Variants in PTPRJ observed in about 807,000 individuals in gnomAD.
The protein encoded by PTPRJ is protein tyrosine phosphatase receptor type J, also known as receptor-type tyrosine-protein phosphatase eta.
PTPRJ carries 129 observed loss-of-function variants against 141.3 expected under a neutral mutation model. That is an observed-to-expected ratio of 0.91 (90% CI 0.79 to 1.06). The LOEUF (loss-of-function observed/expected upper bound fraction) is 1.06, where lower values mean the gene tolerates loss of function less well. Ranked by LOEUF, PTPRJ falls within the 50% of genes least tolerant of loss-of-function variation. PTPRJ has a pLI of 0.00. For missense variants in PTPRJ, 1,601 were observed against 1,679.7 expected, an observed-to-expected ratio of 0.95 and a Z score of 0.82; for synonymous variants, 610 against 640.5, an observed-to-expected ratio of 0.95 and a Z score of 0.72.
intron 2 of PTPRJ, among the ~76,000 whole-genome samples, chr11:48,111,763 C>T (rs538694791): frequency 5.3e-5 from 8 of 151,824 alleles, no homozygotes; most frequent in African/African-American, 1.2e-4. Flanking sequence ...TTGGAAGGGC[C>T]GCTGTATTAG....
intron 3 of PTPRJ, among the ~76,000 whole-genome samples, chr11:48,118,503 G>A (rs1856624555): frequency 6.6e-6 from 1 of 152,114 alleles, no homozygotes; most frequent in Non-Finnish European, 1.5e-5. Context: ...ACGAAAACCA[G>A]ACAAGGATAC....
At chr11:48,155,692 C>T in intron 19 of PTPRJ, 109 bp from the exon 20 acceptor site, 1 of 862,130 alleles carries the variant, frequency 1.2e-6, no homozygotes, top group South Asian at 1.8e-5. Context: ...TCTTCAAAGA[C>T]ACAAGTCCCA....
chr11:48,017,002 C>T (rs1854968634), intron 1 of PTPRJ, among the ~76,000 whole-genome samples: 3 of 152,024 alleles, frequency 2.0e-5, no homozygotes, highest in Admixed American at 2.0e-4. Flanking sequence ...TCAAGCAATC[C>T]TCCCACCTCG....
At chr11:48,007,930 A>G (rs1854669570) in intron 1 of PTPRJ, among the ~76,000 whole-genome samples, 1 of 152,226 alleles carries the variant, frequency 6.6e-6, no homozygotes, top group Non-Finnish European at 1.5e-5. Flanking sequence ...CACACAGCTA[A>G]TATCACTGTG....
intron 7 of PTPRJ, among the ~76,000 whole-genome samples, chr11:48,129,690 G>A (rs1856924497): frequency 6.6e-6 from 1 of 152,190 alleles, no homozygotes; most frequent in Admixed American, 6.5e-5. Flanking sequence ...AGACAGCAGA[G>A]GGAGGAATCA....
At chr11:48,113,316 A>G (rs1367995873) in intron 3 of PTPRJ, among the ~76,000 whole-genome samples, 1 of 152,212 alleles carries the variant, frequency 6.6e-6, no homozygotes, top group Non-Finnish European at 1.5e-5. Context: ...GCTTCTCACC[A>G]ATATATTACA....
chr11:48,036,915 T>C (rs1479672155), intron 1 of PTPRJ, among the ~76,000 whole-genome samples: 1 of 152,232 alleles, frequency 6.6e-6, no homozygotes, highest in Non-Finnish European at 1.5e-5. Context: ...TTTTTCTTTT[T>C]TTAACTTGGC....
intron 1 of PTPRJ, among the ~76,000 whole-genome samples, chr11:48,085,255 C>T (rs1342155880): frequency 1.1e-5 from 1 of 89,016 alleles, no homozygotes; most frequent in Non-Finnish European, 2.8e-5. Context: ...TGCTATCTCT[C>T]TCACTTTTTT....
chr11:48,130,116 G>C (rs1856935268), intron 7 of PTPRJ, among the ~76,000 whole-genome samples: 1 of 150,810 alleles, frequency 6.6e-6, no homozygotes, highest in South Asian at 2.1e-4. Context: ...CAGAGGCTCT[G>C]GGAGGCTAGT....
rs191245363 is a variant in PTPRJ at position 48,116,500 on chromosome 11, C to T, written c.352+3517C>T. Among the ~76,000 whole-genome samples, 84 of 152,324 alleles carry T rather than the reference C, an allele frequency of 5.5e-4. 1 individual carries two copies. Among genetic ancestry groups the T allele is most frequent in the Non-Finnish European group, 1.3e-4 (9 of 68,026 alleles). On this transcript the variant is annotated intron_variant, in intron 3 of 24. Transcript: ENST00000418331. ...TAGAGGACTTCCACCACCTTACTTCCAGCAATGGACAATGATCCAGACAGG... is the reference window on the plus strand; with the variant it reads ...TAGAGGACTTCCACCACCTTACTTCTAGCAATGGACAATGATCCAGACAGG...
At chr11:48,160,676 A>C (rs1451455406) in intron 22 of PTPRJ, among the ~76,000 whole-genome samples, 2 of 152,190 alleles carry the variant, frequency 1.3e-5, no homozygotes, top group Non-Finnish European at 2.9e-5. Flanking sequence ...AGGCCTAAAC[A>C]TTAGGCATGT....
In PTPRJ at chr11:47,980,742, G is replaced by A. The variant is rs1428385667; in HGVS notation, c.-171G>A. 3.0e-6 allele frequency: 3 copies of A among 1,011,874 alleles called. No homozygotes were observed. The highest frequency in any genetic ancestry group is 3.5e-6 in the Non-Finnish European group (3 of 849,318). The allele number at this position is 1,011,874 out of a possible 1,614,324, so 62.7% of individuals were successfully genotyped here. On this transcript the variant is annotated 5_prime_UTR_variant, in exon 1 of 25. Coordinates refer to ENST00000418331, the MANE Select transcript of PTPRJ (RefSeq NM_002843.4). ...GCGTGTGGCCGCGGCCGCCGCCGCC[G>A]CTGCCATGTCTCCGGGGAAGCCCGG...
chr11:48,073,868 ATTATAT>A (rs1855329671), intron 1 of PTPRJ, among the ~76,000 whole-genome samples: 1 of 152,200 alleles, frequency 6.6e-6, no homozygotes, highest in Admixed American at 6.5e-5. Flanking sequence ...TCTTTAGAGT[ATTATAT>A]TTAAGACAGC....
rs533969428 is a variant in PTPRJ at position 48,097,807 on chromosome 11, G to C, written c.97-12251G>C. On this transcript the variant is annotated intron_variant, in intron 1 of 24. Coordinates refer to ENST00000418331, the MANE Select transcript of PTPRJ (RefSeq NM_002843.4). ...CCAGCCTCAGCCCCCCAAAGTGCTA[G>C]GATTACAGGCATGAGCCACCGCACC... 3.3e-5 allele frequency among the ~76,000 whole-genome samples: 5 copies of C among 152,180 alleles called. No individual in the cohort carries two copies. In the South Asian group the frequency reaches 1.0e-3, roughly 32 times the overall value.
intron 3 of PTPRJ, among the ~76,000 whole-genome samples, chr11:48,119,262 CTG>C (rs1024421022): frequency 6.6e-6 from 1 of 152,176 alleles, no homozygotes; most frequent in African/African-American, 2.4e-5. Flanking sequence ...CACTCTGACT[CTG>C]TGAACTTGTC....
rs369959790 is a variant in PTPRJ, at chr11:48,026,385, C to T, written c.96+45377C>T. Among the ~76,000 whole-genome samples the T allele has an allele frequency of 3.3e-5, 5 of 152,200 alleles. No homozygotes were observed. The East Asian group carries it at 9.6e-4, about 29-fold the overall frequency. ...GATCCAGCTCTCTTTCAGCCCAAGGCAATACCTAAAACCCTATCTCTGACT... is the reference window on the plus strand; with the variant it reads ...GATCCAGCTCTCTTTCAGCCCAAGGTAATACCTAAAACCCTATCTCTGACT... On this transcript the variant is annotated intron_variant, in intron 1 of 24. Coordinates refer to ENST00000418331, the MANE Select transcript of PTPRJ (RefSeq NM_002843.4).
chr11:48,148,387 A>G (rs1857401198), intron 15 of PTPRJ, among the ~76,000 whole-genome samples: 1 of 152,208 alleles, frequency 6.6e-6, no homozygotes, highest in African/African-American at 2.4e-5. Context: ...ACATGTTAGA[A>G]TCAAGCCTGC....
rs1002159076 is a variant in PTPRJ at position 48,000,982 on chromosome 11, ATTTTTTT to A, written c.96+19992_96+19998del. Reference sequence around the variant, plus strand: ...GGACCTCCTCTTCCAGTCCCATATAATTTTTTTTTTTTTTTTTTTTTTTTAAATTTTG... The same window carrying A: ...GGACCTCCTCTTCCAGTCCCATATAATTTTTTTTTTTTTTTTTAAATTTTG... On this transcript the variant is annotated intron_variant, in intron 1 of 24. Coordinates refer to ENST00000418331, the MANE Select transcript of PTPRJ (RefSeq NM_002843.4). Among the ~76,000 whole-genome samples, 39 of 122,868 alleles carry A rather than the reference ATTTTTTT, an allele frequency of 3.2e-4. No individual in the cohort carries two copies. In the East Asian group the frequency reaches 6.1e-3, roughly 19 times the overall value. 80.6% of individuals were successfully genotyped at this position (122,868 alleles called of 152,430 possible).
chr11:48,060,016 A>C lies in PTPRJ; in HGVS notation c.97-50042A>C, dbSNP rs537330661. Reference sequence around the variant, plus strand: ...GCTCTATGGAAAAGGGGTTCTGGGAAGCCTCTGTGGAAGGGAGGTTTTGTT... The same window carrying C: ...GCTCTATGGAAAAGGGGTTCTGGGACGCCTCTGTGGAAGGGAGGTTTTGTT... On this transcript the variant is annotated intron_variant, in intron 1 of 24. Coordinates refer to ENST00000418331, the MANE Select transcript of PTPRJ (RefSeq NM_002843.4). Among the ~76,000 whole-genome samples, 101 of 152,302 alleles carry C rather than the reference A, an allele frequency of 6.6e-4. 1 individual carries two copies. Among genetic ancestry groups the C allele is most frequent in the Non-Finnish European group, 9.0e-4 (61 of 68,034 alleles).
Sources: gnomAD v4.1 joint callset for allele counts (sites outside exome capture counted in the v4.1 genomes callset) on GRCh38, gnomAD v4.1.1 for gene constraint, MANE v1.5 for transcripts, NCBI Gene and HGNC (gene_info 2026-07-23, HGNC 2026-07-21) for gene names.